ITGA8: variants seen among roughly 807,000 people sequenced by gnomAD.
ITGA8 encodes integrin subunit alpha 8, also known as integrin alpha-8.
A neutral mutation model predicts 142.3 loss-of-function variants in ITGA8; 91 were observed. The ratio of observed to expected loss-of-function variants is 0.64; its 90% CI spans 0.54 to 0.76. The LOEUF (loss-of-function observed/expected upper bound fraction) is 0.76. Ranked by LOEUF, ITGA8 falls within the 30% of genes least tolerant of loss-of-function variation. ITGA8 has a pLI of 0.00. For missense variants in ITGA8, 1,406 were observed against 1,327.7 expected (o/e 1.06, Z -0.92); for synonymous variants, 505 against 485.2 (o/e 1.04, Z -0.54).
At chr10:15,644,434 AT>A (rs1410033699) in intron 12 of ITGA8, among the ~76,000 whole-genome samples, 1 of 94 alleles carries the variant, frequency 0.011, no homozygotes, top group Non-Finnish European at 0.042. Flanking sequence ...TGTCAGGCTA[AT>A]ATATATATAT....
intron 27 of ITGA8, among the ~76,000 whole-genome samples, chr10:15,531,741 C>A (rs1833300617): frequency 1.3e-5 from 2 of 151,640 alleles, no homozygotes; most frequent in South Asian, 4.2e-4. Flanking sequence ...AGTTTGAGAC[C>A]ATCCTGGCCA....
chr10:15,664,968 A>G (rs141927519), intron 8 of ITGA8, among the ~76,000 whole-genome samples: 35,894 of 152,072 alleles, frequency 0.24, 4,459 homozygotes, highest in Admixed American at 0.33. Flanking sequence ...TAGAGCCGCA[A>G]TAAACATAGG....
At chr10:15,538,789 T>TAAA (rs994266699) in intron 27 of ITGA8, among the ~76,000 whole-genome samples, 6 of 152,056 alleles carry the variant, frequency 3.9e-5, no homozygotes, top group African/African-American at 1.4e-4. Context: ...AATTAAATGA[T>TAAA]AAAAAGACTC....
At chr10:15,689,104 C>G (rs544850997) in intron 2 of ITGA8, among the ~76,000 whole-genome samples, 27 of 152,200 alleles carry the variant, frequency 1.8e-4, no homozygotes, top group Admixed American at 5.2e-4. Context: ...AAGATTTCAC[C>G]AAGAAACTAT....
chr10:15,604,460 A>G (rs553999748), intron 19 of ITGA8, 105 bp from the exon 20 acceptor site: 4 of 764,394 alleles, frequency 5.2e-6, no homozygotes, highest in Admixed American at 3.9e-5. Context: ...GGCAAGTGCA[A>G]AAAAAGAAGA....
Position 15,646,726 on chromosome 10 carries a change from A to G in ITGA8, c.1207+120T>C, listed in dbSNP as rs535222882. 1.2e-5 allele frequency: 8 copies of G among 643,982 alleles called. No individual in the cohort carries two copies. In the South Asian group the frequency reaches 1.6e-4, roughly 13 times the overall value. The allele number at this position is 643,982 out of a possible 1,614,324, so 39.9% of individuals were successfully genotyped here. The stretch of plus-strand genomic sequence containing the variant: ...GCCTTGAGATTTGTGATAGTTTATT[A>G]AAAATCAGTAATAATAACTGCACCC... On this transcript the variant is annotated intron_variant, in intron 12 of 29. Transcript: ENST00000378076.
intron 24 of ITGA8, 81 bp downstream of exon 24, chr10:15,575,408 G>T: frequency 1.0e-6 from 1 of 977,840 alleles, no homozygotes; most frequent in Non-Finnish European, 1.6e-6. Flanking sequence ...TAATGATAAT[G>T]ATAATAATGC....
At chr10:15,653,057 A>G (rs1167748741) in intron 11 of ITGA8, among the ~76,000 whole-genome samples, 1 of 152,210 alleles carries the variant, frequency 6.6e-6, no homozygotes, top group Admixed American at 6.5e-5. Context: ...TGACCTGCAC[A>G]CCTTCATGAT....
intron 27 of ITGA8, among the ~76,000 whole-genome samples, chr10:15,537,956 A>AAAAAC (rs145424675): frequency 0.13 from 19,217 of 145,218 alleles, 1,334 homozygotes; most frequent in Middle Eastern, 0.18. Flanking sequence ...CATCTCTACA[A>AAAAAC]AAAACAAAAC....
rs1243836620 is a variant in ITGA8 at position 15,597,253 on chromosome 10, C to G, written c.2165G>C (p.Arg722Thr). ...SCEYKMENVT[R>T]MVVCDLGNPM... is the part of the protein sequence containing the mutation. ...GTTCCCAAGGTCACACACCACCATCCTGGTTACATTTTCCATCTTGTACTC... is the reference window on the plus strand; with the variant it reads ...GTTCCCAAGGTCACACACCACCATCGTGGTTACATTTTCCATCTTGTACTC... The change falls in exon 21 of 30, where the codon AGG becomes ACG. Residue 722 changes from arginine to threonine, a missense_variant. Physicochemically the swap from Arg to Thr is moderately conservative, Grantham distance 71. Coordinates refer to ENST00000378076, the MANE Select transcript of ITGA8 (RefSeq NM_003638.3). 5 of 1,613,984 alleles carry G rather than the reference C, an allele frequency of 3.1e-6. No homozygotes were observed. The highest frequency in any genetic ancestry group is 4.2e-6 in the Non-Finnish European group (5 of 1,180,008).
At chr10:15,565,932 G>A (rs1479714674) in intron 25 of ITGA8, among the ~76,000 whole-genome samples, 2 of 151,972 alleles carry the variant, frequency 1.3e-5, no homozygotes, top group Admixed American at 6.6e-5. Flanking sequence ...GTGCGCACGC[G>A]TGAGTGAGAG....
chr10:15,611,988 G>A (rs1047539408), intron 15 of ITGA8, among the ~76,000 whole-genome samples: 2 of 152,114 alleles, frequency 1.3e-5, no homozygotes, highest in Non-Finnish European at 2.9e-5. Flanking sequence ...CCTATTTGGG[G>A]GAAATACTGA....
At chr10:15,660,849 C>T in intron 9 of ITGA8, 30 bp downstream of exon 9, 1 of 1,576,826 alleles carries the variant, frequency 6.3e-7, no homozygotes, top group Non-Finnish European at 8.7e-7. Flanking sequence ...AGAAAATACC[C>T]TATTCCTGTA....
chr10:15,607,997 C>G (rs1056885723), intron 16 of ITGA8, among the ~76,000 whole-genome samples, 166 bp from the exon 17 acceptor site: 1 of 152,098 alleles, frequency 6.6e-6, no homozygotes, highest in Non-Finnish European at 1.5e-5. Flanking sequence ...ACTCTCCAAG[C>G]TACAAATGTT....
At chr10:15,627,950 C>T (rs1180618902) in intron 13 of ITGA8, among the ~76,000 whole-genome samples, 7 of 148,456 alleles carry the variant, frequency 4.7e-5, no homozygotes, top group Non-Finnish European at 1.5e-5. Context: ...CCACCAAAAC[C>T]GAGATGGTGA....
chr10:15,669,989 G>A lies in ITGA8; in HGVS notation c.847+1614C>T, dbSNP rs907138044. Among the ~76,000 whole-genome samples the A allele has an allele frequency of 9.7e-4, 148 of 152,240 alleles. 2 individuals carry two copies. Among genetic ancestry groups the A allele is most frequent in the Admixed American group, 4.8e-3 (73 of 15,290 alleles). Reference sequence around the variant, plus strand: ...ACCCACTTGAGGAGGCAGTCTGCCCGTTCTCAGATCTCAAGCTGCGTGCTG... The same window carrying A: ...ACCCACTTGAGGAGGCAGTCTGCCCATTCTCAGATCTCAAGCTGCGTGCTG... On this transcript the variant is annotated intron_variant, in intron 8 of 29. Coordinates refer to ENST00000378076, the MANE Select transcript of ITGA8 (RefSeq NM_003638.3).
intron 17 of ITGA8, among the ~76,000 whole-genome samples, chr10:15,606,885 A>G (rs1268060123): frequency 6.6e-6 from 1 of 152,194 alleles, no homozygotes; most frequent in Non-Finnish European, 1.5e-5. Context: ...GCCTGCATGA[A>G]CTTCAGAACA....
chr10:15,680,275 T>C (rs1834712540), intron 4 of ITGA8, among the ~76,000 whole-genome samples: 1 of 126,986 alleles, frequency 7.9e-6, no homozygotes, highest in South Asian at 2.8e-4. Flanking sequence ...TTGCCCAGGC[T>C]GGAGTGCAGT....
intron 27 of ITGA8, among the ~76,000 whole-genome samples, chr10:15,545,088 A>G (rs79302258): frequency 5.1e-4 from 78 of 152,294 alleles, no homozygotes; most frequent in Non-Finnish European, 9.6e-4. Flanking sequence ...TGACAGGATG[A>G]ATGTCTACGG....
Sources: gnomAD v4.1 joint callset for allele counts (sites outside exome capture counted in the v4.1 genomes callset) on GRCh38, gnomAD v4.1.1 for gene constraint, MANE v1.5 for transcripts, NCBI Gene and HGNC (gene_info 2026-07-23, HGNC 2026-07-21) for gene names.